Variants in TENM4 observed in about 807,000 individuals in gnomAD.
The protein encoded by TENM4 is teneurin-4.
A neutral mutation model predicts 243.3 loss-of-function variants in TENM4; 82 were observed. The observed-to-expected ratio is 0.34, with a 90% CI of 0.28 to 0.40. TENM4 has a LOEUF of 0.40. Ranked by LOEUF, TENM4 falls within the 10% of genes least tolerant of loss-of-function variation. The pLI is 1.00. For missense variants in TENM4, 3,138 were observed against 3,673.3 expected (o/e 0.85, Z 3.77); for synonymous variants, 1,412 against 1,456.3 (o/e 0.97, Z 0.69).
intron 1 of TENM4, among the ~76,000 whole-genome samples, chr11:79,391,323 C>T (rs1046476275): frequency 6.6e-6 from 1 of 152,104 alleles, no homozygotes; most frequent in African/African-American, 2.4e-5. Context: ...CAACAGTGAG[C>T]CTGCAGATGC....
At chr11:79,340,049 A>G (rs571511813) in intron 1 of TENM4, among the ~76,000 whole-genome samples, 1 of 152,354 alleles carries the variant, frequency 6.6e-6, no homozygotes, top group South Asian at 2.1e-4. Flanking sequence ...CTCGAGCTTT[A>G]GAAATTGCTG....
chr11:78,698,536 A>G (rs988125028), intron 28 of TENM4, among the ~76,000 whole-genome samples: 10 of 152,178 alleles, frequency 6.6e-5, no homozygotes, highest in Non-Finnish European at 1.0e-4. Context: ...ATAATCTACT[A>G]AACTGCCTCA....
At chr11:78,990,488 T>C (rs951837802) in intron 6 of TENM4, among the ~76,000 whole-genome samples, 1 of 152,158 alleles carries the variant, frequency 6.6e-6, no homozygotes, top group Non-Finnish European at 1.5e-5. Context: ...CCCTATGCCA[T>C]GGACTATTCT....
chr11:79,382,320 G>A (rs1471872987), intron 1 of TENM4, among the ~76,000 whole-genome samples: 1 of 152,160 alleles, frequency 6.6e-6, no homozygotes, highest in African/African-American at 2.4e-5. Flanking sequence ...TAACCTGGGG[G>A]CTTCAGACAC....
chr11:78,657,634 G>GA lies in TENM4; in HGVS notation c.*423dup. 2.8e-6 allele frequency: 1 copy of GA among 351,200 alleles called. No homozygotes were observed. The highest frequency in any genetic ancestry group is 5.3e-6 in the Non-Finnish European group (1 of 187,856). The allele number at this position is 351,200 out of a possible 1,614,324, so 21.8% of individuals were successfully genotyped here. ...CCCATCACTCCCTTTACTCCTGCCC[G>GA]ACCCCAGTCGAAGAAGAAAGGGTTG... is the stretch of plus-strand genomic sequence containing the variant. On this transcript the variant is annotated 3_prime_UTR_variant, in exon 34 of 34. Transcript: ENST00000278550.
intron 9 of TENM4, among the ~76,000 whole-genome samples, chr11:78,865,365 G>T (rs1164630127): frequency 1.3e-5 from 2 of 152,206 alleles, no homozygotes; most frequent in Non-Finnish European, 2.9e-5. Flanking sequence ...AACATGCACT[G>T]TCAGTCTTCT....
chr11:78,817,126 G>A (rs940627486), intron 12 of TENM4, among the ~76,000 whole-genome samples: 2 of 152,216 alleles, frequency 1.3e-5, no homozygotes, highest in Non-Finnish European at 1.5e-5. Flanking sequence ...CTTAAGGGTA[G>A]TACTGTGGCA....
chr11:79,253,976 G>A (rs1210600096), intron 2 of TENM4, among the ~76,000 whole-genome samples: 1 of 152,128 alleles, frequency 6.6e-6, no homozygotes, highest in Non-Finnish European at 1.5e-5. Flanking sequence ...CAAAACAACA[G>A]TGAAATTACA....
At chr11:78,838,278 C>T (rs769023876) in intron 12 of TENM4, among the ~76,000 whole-genome samples, 1 of 152,034 alleles carries the variant, frequency 6.6e-6, no homozygotes, top group Non-Finnish European at 1.5e-5. Context: ...CTTTTTTCCT[C>T]CCACAGCATC....
intron 3 of TENM4, among the ~76,000 whole-genome samples, chr11:79,171,801 T>C (rs1179799273): frequency 2.0e-5 from 3 of 152,268 alleles, no homozygotes; most frequent in South Asian, 2.1e-4. Flanking sequence ...ACATAGCTAA[T>C]GCTGATTGAC....
At chr11:79,364,982 T>C (rs1479766880) in intron 1 of TENM4, among the ~76,000 whole-genome samples, 1 of 152,230 alleles carries the variant, frequency 6.6e-6, no homozygotes, top group Non-Finnish European at 1.5e-5. Flanking sequence ...CAAAAACTGT[T>C]GGGAGACATG....
chr11:78,780,970 C>G (rs1161533565), intron 16 of TENM4, among the ~76,000 whole-genome samples: 4 of 152,146 alleles, frequency 2.6e-5, no homozygotes, highest in Admixed American at 6.5e-5. Flanking sequence ...AGCCCCCGAG[C>G]CACACTGTGA....
intron 1 of TENM4, among the ~76,000 whole-genome samples, chr11:79,303,296 T>A (rs1256315471): frequency 6.6e-6 from 1 of 152,214 alleles, no homozygotes; most frequent in Non-Finnish European, 1.5e-5. Flanking sequence ...CTGGTTCTAT[T>A]TCCTCCTCTC....
At chr11:79,343,782 A>G (rs2135464955) in intron 1 of TENM4, among the ~76,000 whole-genome samples, 1 of 152,282 alleles carries the variant, frequency 6.6e-6, no homozygotes, top group South Asian at 2.1e-4. Flanking sequence ...CCCAATCAAC[A>G]AGATGTTGAA....
intron 19 of TENM4, among the ~76,000 whole-genome samples, chr11:78,739,947 C>CT (rs796342225): frequency 8.5e-5 from 13 of 152,350 alleles, no homozygotes; most frequent in African/African-American, 3.1e-4. Flanking sequence ...AGGTCCCACT[C>CT]TAACCAGTCA....
chr11:78,865,843 G>A lies in TENM4; in HGVS notation c.1085-2711C>T, dbSNP rs569988363. ...CTAGTTTTGAATCTCAGCTGCCACT[G>A]CCTAGCTGCATTCTTCTCATCTGAG... On this transcript the variant is annotated intron_variant, in intron 9 of 33. Transcript: ENST00000278550. Among the ~76,000 whole-genome samples, 21 of 152,368 alleles carry A rather than the reference G, an allele frequency of 1.4e-4. No homozygotes were observed. In the South Asian group the frequency reaches 3.9e-3, roughly 29 times the overall value.
intron 6 of TENM4, among the ~76,000 whole-genome samples, chr11:79,023,375 C>T (rs1460313045): frequency 1.3e-5 from 2 of 152,234 alleles, no homozygotes; most frequent in African/African-American, 4.8e-5. Flanking sequence ...GCCTGGCCAT[C>T]ATGGCAAAAC....
At chr11:78,846,043 G>T (rs962796274) in intron 12 of TENM4, among the ~76,000 whole-genome samples, 1 of 152,130 alleles carries the variant, frequency 6.6e-6, no homozygotes, top group Non-Finnish European at 1.5e-5. Flanking sequence ...CTCTGACTAC[G>T]AGAGGGTATA....
intron 6 of TENM4, among the ~76,000 whole-genome samples, chr11:78,928,328 T>C (rs189042960): frequency 3.0e-4 from 45 of 152,050 alleles, no homozygotes; most frequent in African/African-American, 1.1e-3. Flanking sequence ...AAGCAAAAAA[T>C]ACACCGCCAC....
Sources: allele counts gnomAD v4.1 joint callset (sites outside exome capture counted in the v4.1 genomes callset), GRCh38; gene constraint gnomAD v4.1.1; transcripts MANE v1.5; gene names NCBI Gene and HGNC (gene_info 2026-07-23, HGNC 2026-07-21).